RASSF8: variants seen among roughly 807,000 people sequenced by gnomAD.
RASSF8 encodes ras association domain-containing protein 8.
Under a neutral mutation model 48.5 loss-of-function variants are expected in RASSF8, and 22 were observed. The ratio of observed to expected loss-of-function variants is 0.45; its 90% CI spans 0.32 to 0.65. The LOEUF is 0.65. Among genes scored for constraint, RASSF8 ranks in the 30% least tolerant of loss-of-function variants. The pLI is 0.03. For missense variants in RASSF8, 418 were observed against 489.2 expected (o/e 0.85, Z 1.37); for synonymous variants, 127 against 171.5 (o/e 0.74, Z 2.03).
At chr12:26,077,079 G>C (rs1318396854), downstream of RASSF8, among the ~76,000 whole-genome samples, 2 of 152,146 alleles carry the variant, frequency 1.3e-5, no homozygotes, top group Non-Finnish European at 2.9e-5. Context: ...AGAAGTGTCT[G>C]CTCATATCCT....
intron 2 of RASSF8, among the ~76,000 whole-genome samples, chr12:26,022,866 C>T (rs965599466): frequency 1.4e-4 from 21 of 152,090 alleles, no homozygotes; most frequent in South Asian, 1.0e-3. Flanking sequence ...CTCAGCCTCC[C>T]GAGTAGCTGG....
At chr12:26,027,073 T>G (rs918927361) in intron 2 of RASSF8, among the ~76,000 whole-genome samples, 2 of 152,232 alleles carry the variant, frequency 1.3e-5, no homozygotes, top group Non-Finnish European at 2.9e-5. Flanking sequence ...TACAGATATT[T>G]ACTACAATAT....
At chr12:25,972,095 G>A (rs1941498917) in intron 1 of RASSF8, among the ~76,000 whole-genome samples, 1 of 152,226 alleles carries the variant, frequency 6.6e-6, no homozygotes, top group Non-Finnish European at 1.5e-5. Flanking sequence ...ACTGCCGGTA[G>A]ACACTAAGTG....
In RASSF8 at chr12:25,958,858, G is replaced by C. The variant is rs1941149669; in HGVS notation, c.-493G>C. On this transcript the variant is annotated 5_prime_UTR_variant, in exon 1 of 6. Transcript: ENST00000689635. The stretch of plus-strand genomic sequence containing the variant: ...CGCGGCGGCGTTGGCGCTGGGGGCG[G>C]CTCCCGCGGCGTCTCTGCCGCTGGC... 1 of 147,108 alleles carries C rather than the reference G, an allele frequency of 6.8e-6. No homozygotes were observed. Among genetic ancestry groups the C allele is most frequent in the African/African-American group, 2.4e-5 (1 of 41,036 alleles). The allele number at this position is 147,108 out of a possible 1,614,324, so 9.1% of individuals were successfully genotyped here. A position where few individuals can be genotyped will look rare whatever the true frequency, so the allele number is the denominator to read the frequency against.
chr12:26,068,678 C>T lies in RASSF8; in HGVS notation c.1139-19C>T. On this transcript the variant is annotated intron_variant, in intron 5 of 5. Transcript: ENST00000689635. ...AAGTTGACGAGCTCATCAGGTGGCT[C>T]TCTTTGTTTCCTGTTTAGAGGCACC... 2 of 1,527,786 alleles carry T rather than the reference C, an allele frequency of 1.3e-6. No homozygotes were observed. Among genetic ancestry groups the T allele is most frequent in the Non-Finnish European group, 1.8e-6 (2 of 1,138,832 alleles). 94.6% of individuals were successfully genotyped at this position (1,527,786 alleles called of 1,614,324 possible).
In RASSF8 at chr12:26,065,074, A is replaced by G; in HGVS notation, c.680A>G (p.Glu227Gly). 1.9e-6 allele frequency: 3 copies of G among 1,614,028 alleles called. No homozygotes were observed. The highest frequency in any genetic ancestry group is 2.5e-6 in the Non-Finnish European group (3 of 1,179,918). ...GAAATTGAGGAGGAAGAATTCTGGG[A>G]AAATGAATTACAGATTGAACAGGAA... is the stretch of plus-strand genomic sequence containing the variant. ...DVEIEEEEFW[E>G]NELQIEQENE... Residue 227 changes from glutamate to glycine, a missense_variant, in exon 4 of 6, where the codon GAA (glutamate) becomes GGA (glycine). Coordinates refer to ENST00000689635, the MANE Select transcript of RASSF8 (RefSeq NM_001394098.1).
chr12:25,995,227 C>T (rs1942105585), intron 2 of RASSF8, 97 bp downstream of exon 2: 1 of 152,092 alleles, frequency 6.6e-6, no homozygotes, highest in Non-Finnish European at 1.5e-5. Flanking sequence ...TTTTGGGAGA[C>T]TTTTATAGAT....
intron 2 of RASSF8, among the ~76,000 whole-genome samples, chr12:26,008,401 A>T (rs1295727524): frequency 6.6e-6 from 1 of 152,216 alleles, no homozygotes; most frequent in Non-Finnish European, 1.5e-5. Flanking sequence ...TATAGCTACT[A>T]GACAATTTTA....
At chr12:26,040,971 G>A (rs537223167) in intron 2 of RASSF8, among the ~76,000 whole-genome samples, 8 of 150,948 alleles carry the variant, frequency 5.3e-5, no homozygotes, top group South Asian at 4.2e-4. Context: ...CACTGCAAGC[G>A]CTGCCTCCCA....
At chr12:26,009,895 T>C (rs1942481567) in intron 2 of RASSF8, among the ~76,000 whole-genome samples, 1 of 152,152 alleles carries the variant, frequency 6.6e-6, no homozygotes. Context: ...GGAGTTTTGC[T>C]GCAAAAGGAA....
At chr12:25,970,735 C>T (rs1221207502) in intron 1 of RASSF8, among the ~76,000 whole-genome samples, 1 of 152,192 alleles carries the variant, frequency 6.6e-6, no homozygotes, top group Non-Finnish European at 1.5e-5. Flanking sequence ...GCTGTCCTGC[C>T]TTACTGCTTG....
intron 1 of RASSF8, among the ~76,000 whole-genome samples, chr12:25,970,576 C>T (rs1020684428): frequency 2.6e-5 from 4 of 152,178 alleles, no homozygotes; most frequent in East Asian, 1.9e-4. Context: ...TCCATGTTGC[C>T]GGATGAGCTC....
At chr12:26,046,372 G>A (rs1943373146) in intron 2 of RASSF8, among the ~76,000 whole-genome samples, 1 of 152,156 alleles carries the variant, frequency 6.6e-6, no homozygotes, top group Non-Finnish European at 1.5e-5. Context: ...ATTTGCATCT[G>A]CCACTTACTG....
Position 26,026,482 on chromosome 12 carries a change from T to C in RASSF8, c.-108-28754T>C, listed in dbSNP as rs191993547. Among the ~76,000 whole-genome samples the C allele has an allele frequency of 3.3e-4, 50 of 152,262 alleles. No homozygotes were observed. In the East Asian group the frequency reaches 8.1e-3, roughly 25 times the overall value. ...ATGGAGTCTCGCTTTGTTGCTCAGGTTGGAGTGCAGTGGCGTGATCTCAGC... is the reference window on the plus strand; with the variant it reads ...ATGGAGTCTCGCTTTGTTGCTCAGGCTGGAGTGCAGTGGCGTGATCTCAGC... On this transcript the variant is annotated intron_variant, in intron 2 of 5. Coordinates refer to ENST00000689635, the MANE Select transcript of RASSF8 (RefSeq NM_001394098.1).
chr12:26,030,196 T>C (rs1271317140), intron 2 of RASSF8, among the ~76,000 whole-genome samples: 2 of 152,146 alleles, frequency 1.3e-5, no homozygotes, highest in Non-Finnish European at 2.9e-5. Flanking sequence ...TTACACTTAG[T>C]GATAAAATAA....
At chr12:25,987,305 C>T (rs1941908875) in intron 1 of RASSF8, among the ~76,000 whole-genome samples, 1 of 152,182 alleles carries the variant, frequency 6.6e-6, no homozygotes, top group South Asian at 2.1e-4. Context: ...GACCAAAATC[C>T]ACAGTACATC....
chr12:26,041,356 CT>C (rs1178786827), intron 2 of RASSF8, among the ~76,000 whole-genome samples: 2 of 152,070 alleles, frequency 1.3e-5, no homozygotes, highest in African/African-American at 4.8e-5. Context: ...TACTATTTTG[CT>C]TCTTCAGGAG....
At chr12:26,037,362 C>T (rs1312430079) in intron 2 of RASSF8, among the ~76,000 whole-genome samples, 1 of 152,158 alleles carries the variant, frequency 6.6e-6, no homozygotes, top group Non-Finnish European at 1.5e-5. Flanking sequence ...CCCTTTGGTA[C>T]ACTCTTTAAA....
chr12:26,037,466 G>C (rs1440264420), intron 2 of RASSF8, among the ~76,000 whole-genome samples: 1 of 152,042 alleles, frequency 6.6e-6, no homozygotes, highest in African/African-American at 2.4e-5. Context: ...ATTTAGAAAG[G>C]GGGTAGAGTT....
Sources: allele counts gnomAD v4.1 joint callset (sites outside exome capture counted in the v4.1 genomes callset), GRCh38; gene constraint gnomAD v4.1.1; transcripts MANE v1.5; gene names NCBI Gene and HGNC (gene_info 2026-07-23, HGNC 2026-07-21).